The following SLC39A9 variants were observed in gnomAD, a reference collection of about 807,000 sequenced individuals.
SLC39A9 encodes the protein zinc transporter ZIP9.
In SLC39A9, 14 loss-of-function variants were observed where a neutral mutation model predicts 28.4. The observed-to-expected ratio is 0.49, with a 90% CI of 0.33 to 0.77. The LOEUF (loss-of-function observed/expected upper bound fraction) is 0.77, where lower values mean the gene tolerates loss of function less well. Among genes scored for constraint, SLC39A9 ranks in the 30% least tolerant of loss-of-function variants. The pLI, the probability that SLC39A9 is intolerant of heterozygous loss-of-function variation, is 0.02. For missense variants in SLC39A9, 283 were observed against 381.1 expected, an observed-to-expected ratio of 0.74 and a Z score of 2.14; for synonymous variants, 119 against 149.6, an observed-to-expected ratio of 0.80 and a Z score of 1.49.
chr14:69,420,644 G>A (rs1003500184), intron 1 of SLC39A9, among the ~76,000 whole-genome samples: 1 of 152,170 alleles, frequency 6.6e-6, no homozygotes, highest in Non-Finnish European at 1.5e-5. Flanking sequence ...CCAATCAAAC[G>A]TAGATTTGGT....
intron 1 of SLC39A9, among the ~76,000 whole-genome samples, chr14:69,416,053 A>G (rs1254543370): frequency 1.3e-5 from 2 of 151,972 alleles, no homozygotes; most frequent in Non-Finnish European, 2.9e-5. Flanking sequence ...TATTTCTCCT[A>G]ATGCCATCCC....
chr14:69,433,587 A>G lies in SLC39A9; in HGVS notation c.206-8482A>G, dbSNP rs966494765. Among the ~76,000 whole-genome samples the G allele has an allele frequency of 1.2e-4, 18 of 152,174 alleles. No individual in the cohort carries two copies. In the East Asian group the frequency reaches 1.5e-3, roughly 13 times the overall value. The stretch of plus-strand genomic sequence containing the variant: ...CTGGCATTTTCTATGATGGAAGGTT[A>G]TTAACTATGAATTCAGTTTTTTAAA... On this transcript the variant is annotated intron_variant, in intron 2 of 6. Coordinates refer to ENST00000336643, the MANE Select transcript of SLC39A9 (RefSeq NM_018375.5).
At position 69,450,105 on chromosome 14, in the gene SLC39A9, C is replaced by A. The variant is rs752199919; in HGVS notation, c.404-3136C>A. 3.7e-4 allele frequency among the ~76,000 whole-genome samples: 56 copies of A among 151,992 alleles called. 1 individual carries two copies. Among genetic ancestry groups the A allele is most frequent in the Non-Finnish European group, 6.0e-4 (41 of 67,992 alleles). The stretch of plus-strand genomic sequence containing the variant: ...TGGTAGGCTGAGGCAACAAGAATCG[C>A]TTGAACCTGGGAGACAGAGGTTTCA... On this transcript the variant is annotated intron_variant, in intron 3 of 6. Transcript: ENST00000336643.
chr14:69,406,960 C>T (rs1882950922), intron 1 of SLC39A9, among the ~76,000 whole-genome samples: 1 of 144,412 alleles, frequency 6.9e-6, no homozygotes, highest in African/African-American at 2.6e-5. Flanking sequence ...AAGCAATTCT[C>T]CTGCCTCAGC....
chr14:69,414,586 T>C lies in SLC39A9; in HGVS notation c.97-9508T>C, dbSNP rs191284925. ...TTAAAACTGAATATTCTAAAATGAA[T>C]CCTTTCAGAAATCCTGGCTAAGTAA... On this transcript the variant is annotated intron_variant, in intron 1 of 6. Coordinates refer to ENST00000336643, the MANE Select transcript of SLC39A9 (RefSeq NM_018375.5). 1.7e-3 allele frequency among the ~76,000 whole-genome samples: 261 copies of C among 152,344 alleles called. 2 individuals carry two copies. Among genetic ancestry groups the C allele is most frequent in the African/African-American group, 6.0e-3 (250 of 41,592 alleles).
chr14:69,433,966 G>A (rs572721140), intron 2 of SLC39A9, among the ~76,000 whole-genome samples: 59 of 152,150 alleles, frequency 3.9e-4, no homozygotes, highest in Non-Finnish European at 7.5e-4. Context: ...TGTATTTTTA[G>A]TAGAGACGGG....
intron 3 of SLC39A9, 88 bp from the exon 4 acceptor site, chr14:69,453,153 A>T: frequency 8.8e-7 from 1 of 1,138,946 alleles, no homozygotes; most frequent in Non-Finnish European, 1.3e-6. Context: ...CCTGGCCAAC[A>T]TTAGTGAAAT....
chr14:69,441,893 T>G (rs1885066137), intron 2 of SLC39A9, 176 bp from the exon 3 acceptor site: 1 of 1,387,072 alleles, frequency 7.2e-7, no homozygotes, highest in African/African-American at 1.5e-5. Context: ...ATTTGGGAAT[T>G]TTTTCATCAT....
chr14:69,422,751 A>C (rs566933518), intron 1 of SLC39A9, among the ~76,000 whole-genome samples: 8 of 152,252 alleles, frequency 5.3e-5, no homozygotes, highest in African/African-American at 1.9e-4. Flanking sequence ...CACCCAGCTA[A>C]TTTTTGTATT....
intron 1 of SLC39A9, among the ~76,000 whole-genome samples, chr14:69,419,758 G>C (rs1480602965): frequency 1.3e-5 from 2 of 151,636 alleles, no homozygotes; most frequent in Non-Finnish European, 3.0e-5. Flanking sequence ...TTATATAATG[G>C]CCTTGTCTCT....
intron 1 of SLC39A9, among the ~76,000 whole-genome samples, chr14:69,422,423 A>G (rs1429374088): frequency 6.6e-6 from 1 of 151,996 alleles, no homozygotes; most frequent in Admixed American, 6.6e-5. Flanking sequence ...TTTTTTAAAG[A>G]CAGCTCTTAC....
intron 2 of SLC39A9, among the ~76,000 whole-genome samples, chr14:69,431,817 G>T (rs1884511018): frequency 2.0e-5 from 3 of 152,016 alleles, no homozygotes; most frequent in African/African-American, 4.8e-5. Context: ...GTGGTATTTG[G>T]TTTTCTGTTC....
At chr14:69,407,033 G>T (rs543368904) in intron 1 of SLC39A9, among the ~76,000 whole-genome samples, 1 of 151,190 alleles carries the variant, frequency 6.6e-6, no homozygotes, top group African/African-American at 2.4e-5. Context: ...TGTATTTTTA[G>T]TAGAGACAAG....
chr14:69,403,809 C>T (rs1054447611), intron 1 of SLC39A9, among the ~76,000 whole-genome samples: 3 of 151,780 alleles, frequency 2.0e-5, no homozygotes, highest in Non-Finnish European at 4.4e-5. Flanking sequence ...TTTGGGAGGC[C>T]GAGGCAGGCG....
At chr14:69,434,083 C>CTTTT (rs570635766) in intron 2 of SLC39A9, among the ~76,000 whole-genome samples, 3 of 128,330 alleles carry the variant, frequency 2.3e-5, no homozygotes, top group East Asian at 2.2e-4. Flanking sequence ...CTTTTCTTTT[C>CTTTT]TTTTTTTTTT....
In SLC39A9 at chr14:69,459,213, A is replaced by G. The variant is rs1048161948; in HGVS notation, c.*620A>G. 1.0e-5 allele frequency: 10 copies of G among 985,438 alleles called. No individual in the cohort carries two copies. In the African/African-American group the frequency reaches 1.6e-4, roughly 15 times the overall value. The allele number at this position is 985,438 out of a possible 1,614,324, so 61.0% of individuals were successfully genotyped here. Reference sequence around the variant, plus strand: ...AGATATCCATTGAAAAGGGATGTCTAGAGGGATTTAAACAGCTCCTTTGGC... The same window carrying G: ...AGATATCCATTGAAAAGGGATGTCTGGAGGGATTTAAACAGCTCCTTTGGC... On this transcript the variant is annotated 3_prime_UTR_variant, in exon 7 of 7. Coordinates refer to ENST00000336643, the MANE Select transcript of SLC39A9 (RefSeq NM_018375.5).
intron 2 of SLC39A9, among the ~76,000 whole-genome samples, chr14:69,428,276 A>G (rs1254643789): frequency 7.7e-6 from 1 of 129,798 alleles, no homozygotes; most frequent in Non-Finnish European, 1.5e-5. Flanking sequence ...CTCTGTCTCA[A>G]AAAAAAAAAA....
At position 69,460,994 on chromosome 14, in the gene SLC39A9, G is replaced by C; in HGVS notation, c.*2401G>C. On this transcript the variant is annotated 3_prime_UTR_variant, in exon 7 of 7. Transcript: ENST00000336643. ...GCATGGTGGGCAGTATTCCAGGAGAGGCCATGTCCGTGTTCACTTCTTGGC... is the reference window on the plus strand; with the variant it reads ...GCATGGTGGGCAGTATTCCAGGAGACGCCATGTCCGTGTTCACTTCTTGGC... 1 of 985,530 alleles carries C rather than the reference G, an allele frequency of 1.0e-6. No individual in the cohort carries two copies. Among genetic ancestry groups the C allele is most frequent in the Non-Finnish European group, 1.2e-6 (1 of 830,052 alleles). The allele number at this position is 985,530 out of a possible 1,614,324, so 61.0% of individuals were successfully genotyped here.
At chr14:69,454,940 A>G (rs1249981058) in intron 5 of SLC39A9, 43 bp downstream of exon 5, 3 of 1,459,620 alleles carry the variant, frequency 2.1e-6, no homozygotes, top group African/African-American at 1.4e-5. Context: ...GAGTGTATTC[A>G]TAATTAAAAT....
Sources: gnomAD v4.1 joint callset for allele counts (sites outside exome capture counted in the v4.1 genomes callset) on GRCh38, gnomAD v4.1.1 for gene constraint, MANE v1.5 for transcripts, NCBI Gene and HGNC (gene_info 2026-07-23, HGNC 2026-07-21) for gene names.